MAK16: variants seen among roughly 807,000 people sequenced by gnomAD.
MAK16 encodes protein MAK16 homolog.
MAK16 carries 12 observed loss-of-function variants against 49.9 expected under a neutral mutation model. The observed-to-expected ratio is 0.24, with a 90% CI of 0.15 to 0.39. MAK16 has a LOEUF of 0.39. Ranked by LOEUF, MAK16 falls within the 10% of genes least tolerant of loss-of-function variation. MAK16 has a pLI of 1.00. For missense variants in MAK16, 292 were observed against 363.7 expected, an observed-to-expected ratio of 0.80 and a Z score of 1.60; for synonymous variants, 115 against 126.4, an observed-to-expected ratio of 0.91 and a Z score of 0.60.
At position 33,500,250 on chromosome 8, in the gene MAK16, A is replaced by G. The variant is rs1809017180; in HGVS notation, c.*1621A>G. On this transcript the variant is annotated 3_prime_UTR_variant, in exon 10 of 10. Coordinates refer to ENST00000360128, the MANE Select transcript of MAK16 (RefSeq NM_032509.4). Reference sequence around the variant, plus strand: ...TTTCCAGACTTGGTCAGGCACATACATAGTAAATTATAATCAATCATGGGA... The same window carrying G: ...TTTCCAGACTTGGTCAGGCACATACGTAGTAAATTATAATCAATCATGGGA... The G allele has an allele frequency of 1.9e-6, 3 of 1,561,438 alleles. No homozygotes were observed. The highest frequency in any genetic ancestry group is 2.6e-6 in the Non-Finnish European group (3 of 1,137,246).
In MAK16 at chr8:33,499,396, G is replaced by T; in HGVS notation, c.*767G>T. On this transcript the variant is annotated 3_prime_UTR_variant, in exon 10 of 10. Transcript: ENST00000360128. ...GGAGGAAAGAATGGATGACACTTAG[G>T]GACAGGTCACTAAGCAGAATAGGTA... The T allele has an allele frequency of 5.3e-6, 4 of 748,688 alleles. No homozygotes were observed. The highest frequency in any genetic ancestry group is 1.8e-5 in the African/African-American group (1 of 56,688). The allele number at this position is 748,688 out of a possible 1,614,324, so 46.4% of individuals were successfully genotyped here.
intron 4 of MAK16, 59 bp from the exon 5 acceptor site, chr8:33,488,928 AG>A: frequency 6.2e-7 from 1 of 1,610,814 alleles, no homozygotes; most frequent in African/African-American, 1.3e-5. Context: ...TGTCACTGAC[AG>A]TGAAAACCTA....
At position 33,494,459 on chromosome 8, in the gene MAK16, TG is replaced by T. The variant is rs1808824844; in HGVS notation, c.448-1082del. Among the ~76,000 whole-genome samples the T allele has an allele frequency of 5.3e-5, 8 of 152,350 alleles. No individual in the cohort carries two copies. In the South Asian group the frequency reaches 1.7e-3, roughly 32 times the overall value. On this transcript the variant is annotated intron_variant, in intron 6 of 9. Coordinates refer to ENST00000360128, the MANE Select transcript of MAK16 (RefSeq NM_032509.4). ...TCTCTATCTTTGGCAGAATATTCAG[TG>T]TCATCTATGAATCCGCTTAACTAAG... is the stretch of plus-strand genomic sequence containing the variant.
intron 6 of MAK16, among the ~76,000 whole-genome samples, chr8:33,493,568 G>C (rs1418554633): frequency 6.6e-6 from 1 of 152,144 alleles, no homozygotes; most frequent in Non-Finnish European, 1.5e-5. Context: ...ACATAACTGA[G>C]GGATTGTAGA....
chr8:33,485,591 C>T (rs1046799860), intron 1 of MAK16: 2 of 351,440 alleles, frequency 5.7e-6, no homozygotes, highest in Non-Finnish European at 1.1e-5. Flanking sequence ...AAGCGTCCTT[C>T]TCATCCATGT....
intron 6 of MAK16, among the ~76,000 whole-genome samples, chr8:33,490,583 T>C: frequency 6.6e-6 from 1 of 152,240 alleles, no homozygotes; most frequent in East Asian, 1.9e-4. Flanking sequence ...AACTCCTTTT[T>C]CTGAATTTCT....
At chr8:33,495,990 A>C (rs1396698056) in intron 7 of MAK16, among the ~76,000 whole-genome samples, 1 of 152,008 alleles carries the variant, frequency 6.6e-6, no homozygotes, top group Non-Finnish European at 1.5e-5. Context: ...TTTTAACATG[A>C]TATGAAGATC....
rs1808987538 is a variant in MAK16, at chr8:33,499,561, G to T, written c.*932G>T. ...ATTCCAGCCAAGGCAAATTCAGTTG[G>T]ATCTAGGGCTTGAAAACTGCCCAAG... On this transcript the variant is annotated 3_prime_UTR_variant, in exon 10 of 10. Transcript: ENST00000360128. The T allele has an allele frequency of 3.0e-6, 1 of 333,114 alleles. No homozygotes were observed. The highest frequency in any genetic ancestry group is 2.1e-5 in the African/African-American group (1 of 46,906). The allele number at this position is 333,114 out of a possible 1,614,324, so 20.6% of individuals were successfully genotyped here.
At chr8:33,495,112 G>T (rs997645266) in intron 6 of MAK16, among the ~76,000 whole-genome samples, 4 of 152,228 alleles carry the variant, frequency 2.6e-5, no homozygotes, top group Non-Finnish European at 4.4e-5. Flanking sequence ...AGAGATCACT[G>T]GAGGAAGAGA....
intron 8 of MAK16, 68 bp downstream of exon 8, chr8:33,496,809 C>A: frequency 8.5e-7 from 1 of 1,182,606 alleles, no homozygotes; most frequent in Non-Finnish European, 1.2e-6. Flanking sequence ...AACAGAATAT[C>A]ATCTTCAGTC....
rs550391261 is a variant in MAK16, at chr8:33,485,333, G to A, written c.15+112G>A. 1.8e-5 allele frequency: 26 copies of A among 1,422,720 alleles called. No homozygotes were observed. The African/African-American group carries it at 2.5e-4, about 14-fold the overall frequency. 88.1% of individuals were successfully genotyped at this position (1,422,720 alleles called of 1,614,324 possible). On this transcript the variant is annotated intron_variant, in intron 1 of 9. Transcript: ENST00000360128. ...GGGTCTGTTGCCTCGTGCCGCTCTG[G>A]ATGTGAGGCTTCCGGAACCCCGATT...
intron 6 of MAK16, among the ~76,000 whole-genome samples, chr8:33,495,293 T>G (rs1028762788): frequency 6.6e-6 from 1 of 152,246 alleles, no homozygotes; most frequent in Non-Finnish European, 1.5e-5. Context: ...TATCAAAGCC[T>G]GTGTTAGAAT....
chr8:33,489,998 TG>T lies in MAK16; in HGVS notation c.393-285del, dbSNP rs941828997. 1.3e-5 allele frequency among the ~76,000 whole-genome samples: 2 copies of T among 152,180 alleles called. No individual in the cohort carries two copies. Among genetic ancestry groups the T allele is most frequent in the Non-Finnish European group, 2.9e-5 (2 of 68,042 alleles). On this transcript the variant is annotated intron_variant, in intron 5 of 9. Transcript: ENST00000360128. This position sits in a 1 kb window ranked among gnomAD's most constrained non-coding sequence, Gnocchi z 4.2. Reference sequence around the variant, plus strand: ...GAATCCCAGAATGCCTGAACAAAAATGGCCGGATTAAAATACATGTAAAAAT... The same window carrying T: ...GAATCCCAGAATGCCTGAACAAAAATGCCGGATTAAAATACATGTAAAAAT...
chr8:33,499,275 AC>A lies in MAK16; in HGVS notation c.*649del. ...AGCTTTGGGGAATTTTGGCCAGGAG[AC>A]CCTGAAACATGAAACCAAACAGGCT... On this transcript the variant is annotated 3_prime_UTR_variant, in exon 10 of 10. Coordinates refer to ENST00000360128, the MANE Select transcript of MAK16 (RefSeq NM_032509.4). 6.2e-7 allele frequency: 1 copy of A among 1,609,950 alleles called. No homozygotes were observed. Among genetic ancestry groups the A allele is most frequent in the Non-Finnish European group, 8.5e-7 (1 of 1,177,676 alleles).
At position 33,489,673 on chromosome 8, in the gene MAK16, G is replaced by C. The variant is rs1411382204; in HGVS notation, c.392+534G>C. On this transcript the variant is annotated intron_variant, in intron 5 of 9. Transcript: ENST00000360128. The surrounding 1 kb of genome is among the most constrained non-coding windows in gnomAD (Gnocchi z 4.2). ...TTACAGGCATGAGCCACCATGCCCA[G>C]CCTTCAGAAAATTTCCTCTATGACC... 2.0e-5 allele frequency among the ~76,000 whole-genome samples: 3 copies of C among 152,164 alleles called. No individual in the cohort carries two copies. The highest frequency in any genetic ancestry group is 4.4e-5 in the Non-Finnish European group (3 of 68,030).
In MAK16 at chr8:33,499,170, G is replaced by A. The variant is rs1248348179; in HGVS notation, c.*541G>A. On this transcript the variant is annotated 3_prime_UTR_variant, in exon 10 of 10. Transcript: ENST00000360128. Reference sequence around the variant, plus strand: ...CTTTCCTCTTGGGAAAGTAATACAAGTCTTAAGTTCCATTGTAGGGTGCGC... The same window carrying A: ...CTTTCCTCTTGGGAAAGTAATACAAATCTTAAGTTCCATTGTAGGGTGCGC... 9 of 1,609,028 alleles carry A rather than the reference G, an allele frequency of 5.6e-6. No individual in the cohort carries two copies. Among genetic ancestry groups the A allele is most frequent in the Non-Finnish European group, 7.7e-6 (9 of 1,175,390 alleles).
At chr8:33,490,475 G>A in intron 6 of MAK16, 136 bp downstream of exon 6, 1 of 585,982 alleles carries the variant, frequency 1.7e-6, no homozygotes, top group South Asian at 2.6e-5. Flanking sequence ...AGTTGCCTAA[G>A]ACATTTAATT....
intron 7 of MAK16, 62 bp downstream of exon 7, chr8:33,495,678 A>G: frequency 2.8e-6 from 1 of 362,910 alleles, no homozygotes; most frequent in South Asian, 2.6e-5. Context: ...GCTAAGACAT[A>G]TTGGGAATTT....
At chr8:33,494,289 G>A (rs1396293499) in intron 6 of MAK16, among the ~76,000 whole-genome samples, 1 of 152,120 alleles carries the variant, frequency 6.6e-6, no homozygotes, top group African/African-American at 2.4e-5. Flanking sequence ...TTGTCAGGCT[G>A]GTCTTGATCT....
Sources: allele counts gnomAD v4.1 joint callset (sites outside exome capture counted in the v4.1 genomes callset), GRCh38; gene constraint gnomAD v4.1.1; non-coding constraint Gnocchi (gnomAD v3.1); transcripts MANE v1.5; gene names NCBI Gene and HGNC (gene_info 2026-07-23, HGNC 2026-07-21).